SLC2A9: variants seen among roughly 807,000 people sequenced by gnomAD.
The protein encoded by SLC2A9 is solute carrier family 2 member 9, also known as solute carrier family 2, facilitated glucose transporter member 9.
SLC2A9 carries 39 observed loss-of-function variants against 50.6 expected under a neutral mutation model. The observed-to-expected ratio is 0.77, with a 90% CI of 0.60 to 1.01. The LOEUF is 1.01. Ranked by LOEUF, SLC2A9 falls within the 50% of genes least tolerant of loss-of-function variation. SLC2A9 has a pLI of 0.00. For missense variants in SLC2A9, 686 were observed against 677.6 expected (o/e 1.01, Z -0.14); for synonymous variants, 324 against 276.9 (o/e 1.17, Z -1.69).
chr4:9,939,113 C>A (rs535352036), intron 6 of SLC2A9, among the ~76,000 whole-genome samples: 7 of 152,152 alleles, frequency 4.6e-5, no homozygotes, highest in East Asian at 1.9e-4. Context: ...TTAGAGAAAA[C>A]GCTTGTGTTT....
intron 9 of SLC2A9, among the ~76,000 whole-genome samples, chr4:9,889,512 G>T (rs1736951509): frequency 6.6e-6 from 1 of 152,136 alleles, no homozygotes; most frequent in African/African-American, 2.4e-5. Context: ...GCTTGGGCCT[G>T]GCTGTCAGGA....
intron 5 of SLC2A9, among the ~76,000 whole-genome samples, chr4:9,973,018 T>C (rs1052567736): frequency 3.3e-5 from 5 of 152,242 alleles, no homozygotes; most frequent in East Asian, 3.9e-4. Context: ...AAGTTCATTA[T>C]TTGAAAGGAT....
At chr4:9,782,478 G>A in intron 3 of SLC2A9, 1 of 1,613,946 alleles carries the variant, frequency 6.2e-7, no homozygotes, top group African/African-American at 1.3e-5. Context: ...CGCTACAAGC[G>A]CAAGATGACT....
rs142792690 is a variant in SLC2A9, at chr4:9,805,615, C to T, written n.421-6374G>A. ...ACTCAGGAGGCTGAGGCACAAGACT[C>T]GCTTGAACCTGGAAGATGGAGGTTG... is the stretch of plus-strand genomic sequence containing the variant. On this transcript the variant is annotated intron_variant and non_coding_transcript_variant, in intron 3 of 3. Coordinates refer to the SLC2A9 transcript ENST00000503280. Among the ~76,000 whole-genome samples, 31 of 151,554 alleles carry T rather than the reference C, an allele frequency of 2.0e-4. No homozygotes were observed. The East Asian group carries it at 2.3e-3, about 11-fold the overall frequency.
At chr4:9,957,847 G>A (rs1472599596) in intron 5 of SLC2A9, among the ~76,000 whole-genome samples, 2 of 151,934 alleles carry the variant, frequency 1.3e-5, no homozygotes, top group Middle Eastern at 3.2e-3. Flanking sequence ...TTCAGAGAAA[G>A]GAGCAAGAAT....
At chr4:9,780,375 A>G (rs1484219636) in intron 3 of SLC2A9, among the ~76,000 whole-genome samples, 4 of 152,134 alleles carry the variant, frequency 2.6e-5, no homozygotes, top group African/African-American at 9.7e-5. Context: ...ATGGCCCTTC[A>G]GTTTCAGGTT....
intron 10 of SLC2A9, among the ~76,000 whole-genome samples, chr4:9,835,680 G>T (rs1726935941): frequency 6.6e-6 from 1 of 152,210 alleles, no homozygotes; most frequent in South Asian, 2.1e-4. Flanking sequence ...ACCCTTGTCT[G>T]CTGGGATGAC....
chr4:10,032,682 G>A (rs1763973421), intron 1 of SLC2A9, among the ~76,000 whole-genome samples: 1 of 152,134 alleles, frequency 6.6e-6, no homozygotes, highest in African/African-American at 2.4e-5. Context: ...AGTCCTCCAT[G>A]CACACAGTCC....
In SLC2A9 at chr4:9,880,070, C is replaced by T. The variant is rs888095612; in HGVS notation, c.1291+7497G>A. 7 of 985,318 alleles carry T rather than the reference C, an allele frequency of 7.1e-6. No homozygotes were observed. The African/African-American group carries it at 1.2e-4, about 17-fold the overall frequency. The allele number at this position is 985,318 out of a possible 1,614,324, so 61.0% of individuals were successfully genotyped here. A position where few individuals can be genotyped will look rare whatever the true frequency, so the allele number is the denominator to read the frequency against. On this transcript the variant is annotated intron_variant, in intron 10 of 11. Transcript: ENST00000264784. ...AGAGCAGGCCCATGAGTCTCTCTGC[C>T]ATTCAGCTCTGAGCATCTTCCTGCC...
rs571964271 is a variant in SLC2A9 at position 9,942,223 on chromosome 4, C to T, written c.682-178G>A. Reference sequence around the variant, plus strand: ...CTGGGCACCAGTCCCACGTATATAGCATTTTCCATGCATGAGTCCAGAGAC... The same window carrying T: ...CTGGGCACCAGTCCCACGTATATAGTATTTTCCATGCATGAGTCCAGAGAC... On this transcript the variant is annotated intron_variant, in intron 5 of 11. Transcript: ENST00000264784. 1.4e-4 allele frequency among the ~76,000 whole-genome samples: 22 copies of T among 152,356 alleles called. No homozygotes were observed. The South Asian group carries it at 4.6e-3, about 32-fold the overall frequency.
chr4:9,971,032 T>C (rs181602699), intron 5 of SLC2A9, among the ~76,000 whole-genome samples: 146 of 152,290 alleles, frequency 9.6e-4, no homozygotes, highest in African/African-American at 2.8e-3. Context: ...CCCTTTCATG[T>C]AAAATCTTTA....
chr4:9,931,605 T>C (rs1745937366), intron 6 of SLC2A9, among the ~76,000 whole-genome samples: 1 of 152,054 alleles, frequency 6.6e-6, no homozygotes, highest in Non-Finnish European at 1.5e-5. Context: ...TTCGCCCAGG[T>C]AATAGTGAGG....
At chr4:10,028,416 G>T (rs1026302077) in intron 1 of SLC2A9, among the ~76,000 whole-genome samples, 10 of 152,184 alleles carry the variant, frequency 6.6e-5, no homozygotes, top group Non-Finnish European at 1.5e-4. Flanking sequence ...GGAAGACAAG[G>T]CCTTGACATC....
At chr4:10,004,712 C>T (rs1424337863) in intron 2 of SLC2A9, among the ~76,000 whole-genome samples, 3 of 152,192 alleles carry the variant, frequency 2.0e-5, no homozygotes, top group African/African-American at 7.2e-5. Context: ...ACACAATCAA[C>T]GTAACTACAG....
chr4:9,847,604 G>A (rs1394465245), intron 10 of SLC2A9, among the ~76,000 whole-genome samples: 2 of 152,186 alleles, frequency 1.3e-5, no homozygotes, highest in African/African-American at 4.8e-5. Flanking sequence ...CCCATGCTGG[G>A]GCATCAATGG....
intron 3 of SLC2A9, among the ~76,000 whole-genome samples, chr4:9,993,562 G>C (rs957535391): frequency 6.6e-6 from 1 of 152,120 alleles, no homozygotes; most frequent in African/African-American, 2.4e-5. Context: ...AAAGATGAAA[G>C]AGTTTAAGAA....
chr4:9,869,780 G>A (rs1457208239), intron 10 of SLC2A9, among the ~76,000 whole-genome samples: 2 of 152,208 alleles, frequency 1.3e-5, no homozygotes, highest in Admixed American at 6.5e-5. Context: ...TGGTAGAGGA[G>A]GCCAAAGTGT....
At chr4:9,855,072 C>T (rs1730522805) in intron 10 of SLC2A9, among the ~76,000 whole-genome samples, 1 of 152,128 alleles carries the variant, frequency 6.6e-6, no homozygotes, top group Admixed American at 6.5e-5. Flanking sequence ...CCCACTCTTA[C>T]CACTCCTATT....
At chr4:9,802,166 G>C (rs1380254729) in intron 3 of SLC2A9, among the ~76,000 whole-genome samples, 1 of 152,124 alleles carries the variant, frequency 6.6e-6, no homozygotes, top group Non-Finnish European at 1.5e-5. Context: ...CCTTTTAGAC[G>C]GCCATTCCAG....
Sources: gnomAD v4.1 joint callset for allele counts (sites outside exome capture counted in the v4.1 genomes callset) on GRCh38, gnomAD v4.1.1 for gene constraint, MANE v1.5 for transcripts, NCBI Gene and HGNC (gene_info 2026-07-23, HGNC 2026-07-21) for gene names.